Variants in RICTOR observed in about 807,000 individuals in gnomAD.
RICTOR encodes the protein RPTOR independent companion of MTOR complex 2.
In RICTOR, 49 loss-of-function variants were observed where a neutral mutation model predicts 214.9. The observed-to-expected ratio is 0.23, with a 90% CI of 0.18 to 0.29. The LOEUF (loss-of-function observed/expected upper bound fraction) is 0.29. RICTOR is among the 10% of genes least tolerant of loss of function. RICTOR has a pLI of 1.00. For missense variants in RICTOR, 1,625 were observed against 2,047.0 expected, an observed-to-expected ratio of 0.79 and a Z score of 3.98; for synonymous variants, 717 against 711.3, an observed-to-expected ratio of 1.01 and a Z score of -0.13.
Position 38,937,927 on chromosome 5 carries a change from A to T in RICTOR, c.*4377T>A, listed in dbSNP as rs1242251918. 2 of 180,778 alleles carry T rather than the reference A, an allele frequency of 1.1e-5. No individual in the cohort carries two copies. Among genetic ancestry groups the T allele is most frequent in the Admixed American group, 1.3e-4 (2 of 15,910 alleles). 11.2% of individuals were successfully genotyped at this position (180,778 alleles called of 1,614,324 possible). A position where few individuals can be genotyped will look rare whatever the true frequency, so the allele number is the denominator to read the frequency against. On this transcript the variant is annotated 3_prime_UTR_variant, in exon 38 of 38. Coordinates refer to ENST00000357387, the MANE Select transcript of RICTOR (RefSeq NM_152756.5). The surrounding 1 kb of genome is among the most constrained non-coding windows in gnomAD (Gnocchi z 4.0). Reference sequence around the variant, plus strand: ...AATAAAACAATGACAAAGTTTAAGAATTTTAAGTACATTTTATTAACAATG... The same window carrying T: ...AATAAAACAATGACAAAGTTTAAGATTTTTAAGTACATTTTATTAACAATG...
chr5:39,023,288 C>G lies in RICTOR; in HGVS notation c.98-2152G>C, dbSNP rs189649192. Among the ~76,000 whole-genome samples the G allele has an allele frequency of 3.1e-3, 471 of 150,652 alleles. 1 individual carries two copies. Among genetic ancestry groups the G allele is most frequent in the Non-Finnish European group, 4.2e-3 (284 of 67,756 alleles). On this transcript the variant is annotated intron_variant, in intron 2 of 37. Transcript: ENST00000357387. Reference sequence around the variant, plus strand: ...CTAGGCAGATTATAATCAAATTGCTCAAAACCACTGACAGAGAAAATCTTA... The same window carrying G: ...CTAGGCAGATTATAATCAAATTGCTGAAAACCACTGACAGAGAAAATCTTA...
At chr5:39,016,446 G>C (rs1754955800) in intron 3 of RICTOR, among the ~76,000 whole-genome samples, 1 of 151,840 alleles carries the variant, frequency 6.6e-6, no homozygotes, top group Admixed American at 6.6e-5. Flanking sequence ...GGATGAGAAG[G>C]AGAAAGGGCA....
At chr5:39,072,308 T>C (rs1300727680) in intron 2 of RICTOR, among the ~76,000 whole-genome samples, 2 of 152,190 alleles carry the variant, frequency 1.3e-5, no homozygotes, top group African/African-American at 4.8e-5. Context: ...AACAGTTACC[T>C]GTGTGCCTCA....
chr5:39,055,687 C>G (rs1188899203), intron 2 of RICTOR, among the ~76,000 whole-genome samples: 1 of 151,952 alleles, frequency 6.6e-6, no homozygotes, highest in Non-Finnish European at 1.5e-5. Context: ...AGGTAAAATG[C>G]AATATATTAT....
intron 7 of RICTOR, among the ~76,000 whole-genome samples, chr5:38,983,548 T>C (rs1304817523): frequency 3.3e-5 from 5 of 152,238 alleles, no homozygotes; most frequent in South Asian, 2.1e-4. Context: ...AAGAATAGCA[T>C]TGATTGTTGA....
At chr5:39,065,751 T>C (rs548155515) in intron 2 of RICTOR, among the ~76,000 whole-genome samples, 1 of 152,334 alleles carries the variant, frequency 6.6e-6, no homozygotes, top group East Asian at 1.9e-4. Context: ...AGGGCAGTCA[T>C]TAAATCTTAA....
chr5:38,976,917 G>A (rs887759408), intron 9 of RICTOR, among the ~76,000 whole-genome samples: 1 of 152,170 alleles, frequency 6.6e-6, no homozygotes, highest in African/African-American at 2.4e-5. Flanking sequence ...TCTGGGTCCT[G>A]TGAACATGGT....
At chr5:38,990,587 TGATATATACGATATATATGATATATATAC>T (rs1561501276) in intron 7 of RICTOR, among the ~76,000 whole-genome samples, 1 of 83,000 alleles carries the variant, frequency 1.2e-5, no homozygotes, top group African/African-American at 4.8e-5. Context: ...GATATATACA[TGATATATACGATATATATGATATATATAC>T]GATATATGAT....
chr5:38,948,037 T>C (rs1429463215), intron 31 of RICTOR, among the ~76,000 whole-genome samples: 37 of 152,114 alleles, frequency 2.4e-4, no homozygotes, highest in Admixed American at 2.4e-3. Context: ...TTCCACAATG[T>C]ACTCCTTACT....
intron 6 of RICTOR, among the ~76,000 whole-genome samples, chr5:38,995,472 T>C (rs1361082499): frequency 2.0e-5 from 3 of 152,110 alleles, no homozygotes; most frequent in Non-Finnish European, 4.4e-5. Flanking sequence ...CAGTGTACAC[T>C]GCTTGGGTGA....
chr5:38,961,786 C>A (rs1749814758), intron 19 of RICTOR, among the ~76,000 whole-genome samples: 1 of 152,048 alleles, frequency 6.6e-6, no homozygotes, highest in Admixed American at 6.6e-5. Flanking sequence ...GGACCTCTTT[C>A]TGAGATCAGT....
At chr5:39,028,623 G>A (rs1756039867) in intron 2 of RICTOR, among the ~76,000 whole-genome samples, 1 of 152,106 alleles carries the variant, frequency 6.6e-6, no homozygotes, top group African/African-American at 2.4e-5. Flanking sequence ...ACTTGTACAA[G>A]AATATTTATA....
chr5:39,038,004 G>T (rs897828557), intron 2 of RICTOR, among the ~76,000 whole-genome samples: 1 of 152,198 alleles, frequency 6.6e-6, no homozygotes, highest in Non-Finnish European at 1.5e-5. Context: ...AAGCCTGGCA[G>T]AGACACAACC....
At chr5:39,030,203 C>T (rs182189987) in intron 2 of RICTOR, among the ~76,000 whole-genome samples, 24 of 152,178 alleles carry the variant, frequency 1.6e-4, no homozygotes, top group East Asian at 9.6e-4. Context: ...TAACATATGA[C>T]GTACTTTTTG....
chr5:39,036,855 C>T (rs1756747441), intron 2 of RICTOR, among the ~76,000 whole-genome samples: 1 of 152,162 alleles, frequency 6.6e-6, no homozygotes, highest in African/African-American at 2.4e-5. Context: ...TAGACTCCCA[C>T]ACAATAATAA....
rs61748206 is a variant in RICTOR at position 38,946,506 on chromosome 5, T to C, written c.4361A>G (p.Asp1454Gly). 8.8e-4 allele frequency: 1,413 copies of C among 1,612,026 alleles called. 3 individuals carry two copies. The highest frequency in any genetic ancestry group is 1.1e-3 in the Admixed American group (64 of 59,994). ...GGCAAATGCTCTTGCACCTCGATCATCATGTGGTGGTATGTTTTTTGTCTG... is the reference window on the plus strand; with the variant it reads ...GGCAAATGCTCTTGCACCTCGATCACCATGTGGTGGTATGTTTTTTGTCTG... ...YFQTKNIPPH[D>G]DRGARAFAHD... The change falls in exon 33 of 38, where the codon GAT (aspartate) becomes GGT (glycine). Residue 1454 changes from aspartate to glycine, a missense_variant. This residue lies in a region of RICTOR where 1,214 missense variants were observed against 1,470.5 expected (regional missense o/e 0.83). Transcript: ENST00000357387.
chr5:38,945,475 G>A lies in RICTOR; in HGVS notation c.4633+16C>T, dbSNP rs760917214. On this transcript the variant is annotated intron_variant, in intron 34 of 37. Coordinates refer to ENST00000357387, the MANE Select transcript of RICTOR (RefSeq NM_152756.5). ...TCATCACTAGGTTTTTCTGAAGGTG[G>A]GACGTGATCACTTACCTGAATGACT... 2.1e-5 allele frequency: 33 copies of A among 1,536,292 alleles called. No individual in the cohort carries two copies. Among genetic ancestry groups the A allele is most frequent in the Non-Finnish European group, 2.7e-5 (30 of 1,112,660 alleles).
At chr5:39,063,893 A>G (rs1332767206) in intron 2 of RICTOR, among the ~76,000 whole-genome samples, 2 of 151,562 alleles carry the variant, frequency 1.3e-5, no homozygotes, top group Admixed American at 6.6e-5. Context: ...CAGGTAATTA[A>G]GGTTAAAAAA....
chr5:39,048,921 G>A (rs13361142), intron 2 of RICTOR, among the ~76,000 whole-genome samples: 15,939 of 152,034 alleles, frequency 0.1, 939 homozygotes, highest in Middle Eastern at 0.15. Flanking sequence ...GAAAAAAGGT[G>A]AATTAAAAAA....
Sources: gnomAD v4.1 joint callset for allele counts (sites outside exome capture counted in the v4.1 genomes callset) on GRCh38, gnomAD v4.1.1 for gene constraint, gnomAD v4.1.1 regional missense constraint, Gnocchi (gnomAD v3.1) non-coding constraint, MANE v1.5 for transcripts, NCBI Gene and HGNC (gene_info 2026-07-23, HGNC 2026-07-21) for gene names.